RGS3: variants seen among roughly 807,000 people sequenced by gnomAD.
The protein encoded by RGS3 is regulator of G protein signaling 3.
Under a neutral mutation model 132.6 loss-of-function variants are expected in RGS3, and 80 were observed. That is an observed-to-expected ratio of 0.60 (90% CI 0.50 to 0.73). The LOEUF is 0.73. RGS3 is among the 30% of genes least tolerant of loss of function. The pLI, the probability that RGS3 is intolerant of heterozygous loss-of-function variation, is 0.00. For missense variants in RGS3, 1,382 were observed against 1,530.8 expected, an observed-to-expected ratio of 0.90 and a Z score of 1.62; for synonymous variants, 598 against 620.6, an observed-to-expected ratio of 0.96 and a Z score of 0.54.
At position 113,506,485 on chromosome 9, in the gene RGS3, C is replaced by G; in HGVS notation, c.1077C>G (p.His359Gln). 6.3e-7 allele frequency: 1 copy of G among 1,587,780 alleles called. No individual in the cohort carries two copies. Among genetic ancestry groups the G allele is most frequent in the South Asian group, 1.2e-5 (1 of 86,650 alleles). The change falls in exon 12 of 25, where the codon CAC (histidine) becomes CAG (glutamine). Residue 359 changes from histidine to glutamine, a missense_variant. Physicochemically the swap from His to Gln is conservative, Grantham distance 24. Transcript: ENST00000350696. The surrounding 1 kb of genome is among the most constrained non-coding windows in gnomAD (Gnocchi z 4.7). ...ACTGGAAATGTGTGGAGCTGGCCCA[C>G]GAGATCCGGTGACAGGGGACAGCGG...
At position 113,525,537 on chromosome 9, in the gene RGS3, A is replaced by C. The variant is rs550756599; in HGVS notation, c.1870+2496A>C. 2.6e-5 allele frequency among the ~76,000 whole-genome samples: 4 copies of C among 152,296 alleles called. No individual in the cohort carries two copies. The East Asian group carries it at 7.7e-4, about 29-fold the overall frequency. ...CCTCAGCTGGAGCCTCTGTTGGCAG[A>C]ATGGTCTCTGATTAATATTGCTCAT... On this transcript the variant is annotated intron_variant, in intron 17 of 24. Transcript: ENST00000350696.
intron 17 of RGS3, among the ~76,000 whole-genome samples, chr9:113,528,582 A>AAGG (rs1394131092): frequency 6.6e-6 from 1 of 152,162 alleles, no homozygotes; most frequent in African/African-American, 2.4e-5. Flanking sequence ...TCCTCTGCTG[A>AAGG]AGGAGGCAGT....
chr9:113,553,581 C>T (rs919298375), intron 19 of RGS3, among the ~76,000 whole-genome samples: 1 of 147,874 alleles, frequency 6.8e-6, no homozygotes, highest in African/African-American at 2.5e-5. Flanking sequence ...ATGGCTCCCA[C>T]CTGTAATCCC....
chr9:113,503,802 G>A (rs1336005089), intron 10 of RGS3, among the ~76,000 whole-genome samples: 2 of 152,158 alleles, frequency 1.3e-5, no homozygotes, highest in African/African-American at 4.8e-5. Context: ...TTCCATGGAG[G>A]GGGCCAGGCT....
chr9:113,502,911 A>G (rs1830962899), intron 10 of RGS3, among the ~76,000 whole-genome samples: 1 of 152,256 alleles, frequency 6.6e-6, no homozygotes, highest in Non-Finnish European at 1.5e-5. Context: ...GTAAAATAGG[A>G]TAATGAAATC....
intron 19 of RGS3, among the ~76,000 whole-genome samples, chr9:113,567,104 T>G (rs547468930): frequency 1.5e-4 from 23 of 152,370 alleles, no homozygotes; most frequent in African/African-American, 5.3e-4. Flanking sequence ...TCTCCAGGGC[T>G]TTGAGCCAGA....
chr9:113,523,138 G>A, intron 17 of RGS3, 97 bp downstream of exon 15: 2 of 778,862 alleles, frequency 2.6e-6, no homozygotes, highest in Admixed American at 3.7e-5. Flanking sequence ...GTCATCCGTA[G>A]GGCACTGGAG....
intron 19 of RGS3, among the ~76,000 whole-genome samples, chr9:113,555,834 A>G (rs2118780011): frequency 6.6e-6 from 1 of 152,322 alleles, no homozygotes; most frequent in East Asian, 1.9e-4. Flanking sequence ...CTTAACTTTC[A>G]GTTATCAGTA....
chr9:113,548,783 C>T (rs1833216708), intron 19 of RGS3, among the ~76,000 whole-genome samples: 1 of 152,222 alleles, frequency 6.6e-6, no homozygotes, highest in Non-Finnish European at 1.5e-5. Flanking sequence ...GGCTGTTTTT[C>T]CCTGGCTGTT....
intron 19 of RGS3, chr9:113,570,163 A>G (rs552565272): frequency 1.3e-5 from 2 of 152,156 alleles, no homozygotes; most frequent in Non-Finnish European, 2.9e-5. Flanking sequence ...GTTAAATGAG[A>G]TAATAGCTGT....
At chr9:113,541,761 A>G in intron 19 of RGS3, 1 of 1,017,992 alleles carries the variant, frequency 9.8e-7, no homozygotes, top group Non-Finnish European at 1.2e-6. Flanking sequence ...GGGCAGCAGG[A>G]GAGGTTGGGA....
At position 113,560,050 on chromosome 9, in the gene RGS3, T is replaced by C. The variant is rs942933422; in HGVS notation, c.2037+23132T>C. Among the ~76,000 whole-genome samples the C allele has an allele frequency of 4.6e-5, 7 of 152,164 alleles. No homozygotes were observed. In the South Asian group the frequency reaches 1.4e-3, roughly 32 times the overall value. On this transcript the variant is annotated intron_variant, in intron 19 of 24. Transcript: ENST00000350696. ...AGATGAGGAAACTGAGACTCAGAGA[T>C]AGTAAAGGGACTTGCCCAGGATAAT...
At chr9:113,550,123 G>A (rs999877452) in intron 19 of RGS3, among the ~76,000 whole-genome samples, 1 of 152,228 alleles carries the variant, frequency 6.6e-6, no homozygotes, top group Non-Finnish European at 1.5e-5. Context: ...CACCACTTTG[G>A]GAGGCCAAGG....
intron 1 of RGS3, among the ~76,000 whole-genome samples, chr9:113,447,329 G>GTGTATATATATATATATATATA (rs1554751009): frequency 4.0e-4 from 11 of 27,556 alleles, no homozygotes; most frequent in African/African-American, 8.8e-4. Context: ...GTATGTATAT[G>GTGTATATATATATATATATATA]TATATATATA....
chr9:113,485,904 C>T (rs778643141), intron 7 of RGS3, among the ~76,000 whole-genome samples: 6 of 152,182 alleles, frequency 3.9e-5, no homozygotes, highest in African/African-American at 1.2e-4. Context: ...GCTGAGCACT[C>T]GGTATCAAAC....
chr9:113,566,199 C>T (rs1052211004), intron 19 of RGS3, among the ~76,000 whole-genome samples: 4 of 152,176 alleles, frequency 2.6e-5, no homozygotes, highest in African/African-American at 9.7e-5. Context: ...GAACTAGTCT[C>T]AGCGGGTTGC....
At chr9:113,494,836 T>C (rs1210028286) in intron 7 of RGS3, among the ~76,000 whole-genome samples, 1 of 152,138 alleles carries the variant, frequency 6.6e-6, no homozygotes, top group Middle Eastern at 3.2e-3. Flanking sequence ...TGAGCCTCAA[T>C]GGTGGACATT....
In RGS3 at chr9:113,561,856, C is replaced by G. The variant is rs148617741; in HGVS notation, c.2038-21594C>G. Among the ~76,000 whole-genome samples, 45 of 152,280 alleles carry G rather than the reference C, an allele frequency of 3.0e-4. No homozygotes were observed. In the East Asian group the frequency reaches 8.7e-3, roughly 29 times the overall value. On this transcript the variant is annotated intron_variant, in intron 19 of 24. Transcript: ENST00000350696. ...GCTGCATCCCAGGCTGTTGCTGCAT[C>G]CCCCCTGGGGCCTGTCTAAAGACTT...
intron 7 of RGS3, among the ~76,000 whole-genome samples, chr9:113,490,654 A>G (rs1265014516): frequency 6.9e-6 from 1 of 145,610 alleles, no homozygotes; most frequent in African/African-American, 2.5e-5. Flanking sequence ...AATATATAAT[A>G]TATTATTATA....
Sources: allele counts gnomAD v4.1 joint callset (sites outside exome capture counted in the v4.1 genomes callset), GRCh38; gene constraint gnomAD v4.1.1; non-coding constraint Gnocchi (gnomAD v3.1); transcripts MANE v1.5; gene names NCBI Gene and HGNC (gene_info 2026-07-23, HGNC 2026-07-21).